EVI5: variants seen among roughly 807,000 people sequenced by gnomAD.
EVI5 encodes the protein ecotropic viral integration site 5 protein homolog.
Under a neutral mutation model 112.0 loss-of-function variants are expected in EVI5, and 73 were observed. The ratio of observed to expected loss-of-function variants is 0.65; its 90% confidence interval spans 0.54 to 0.79. The LOEUF is 0.79. Ranked by LOEUF, EVI5 falls within the 30% of genes least tolerant of loss-of-function variation. EVI5 has a pLI of 0.00. For synonymous variants in EVI5, 305 were observed against 319.9 expected (o/e 0.95, Z 0.50); for missense variants, 900 against 968.8 (o/e 0.93, Z 0.94).
At chr1:92,719,738 G>A (rs1674418444) in intron 2 of EVI5, among the ~76,000 whole-genome samples, 1 of 151,988 alleles carries the variant, frequency 6.6e-6, no homozygotes, top group African/African-American at 2.4e-5. Flanking sequence ...ATTCAATTAG[G>A]AAAAGAGGAA....
chr1:92,674,840 A>G (rs1666459227), intron 10 of EVI5, among the ~76,000 whole-genome samples: 1 of 152,220 alleles, frequency 6.6e-6, no homozygotes, highest in Admixed American at 6.5e-5. Context: ...AAAGAACTAC[A>G]TGGAAACAAT....
At chr1:92,712,499 A>G (rs1672997970) in intron 2 of EVI5, among the ~76,000 whole-genome samples, 1 of 152,218 alleles carries the variant, frequency 6.6e-6, no homozygotes, top group South Asian at 2.1e-4. Flanking sequence ...CTTAATTTCA[A>G]GAGACTATCT....
chr1:92,752,477 C>A (rs1054819009), intron 1 of EVI5, among the ~76,000 whole-genome samples: 1 of 152,110 alleles, frequency 6.6e-6, no homozygotes, highest in African/African-American at 2.4e-5. Context: ...CTGCACCCAG[C>A]CTAATGAAAC....
At chr1:92,589,016 G>C (rs1673256889) in intron 18 of EVI5, among the ~76,000 whole-genome samples, 1 of 152,154 alleles carries the variant, frequency 6.6e-6, no homozygotes, top group African/African-American at 2.4e-5. Flanking sequence ...GTGTGAGATG[G>C]TATAAGAAAG....
chr1:92,589,783 G>A (rs895304170), intron 18 of EVI5, among the ~76,000 whole-genome samples: 10 of 152,168 alleles, frequency 6.6e-5, no homozygotes, highest in East Asian at 1.9e-4. Flanking sequence ...CTCCCAGCAC[G>A]CAGCTTGAGA....
chr1:92,592,947 A>T lies in EVI5; in HGVS notation c.2070+12360T>A, dbSNP rs866821017. 7.0e-4 allele frequency among the ~76,000 whole-genome samples: 107 copies of T among 152,298 alleles called. 1 individual carries two copies. Among genetic ancestry groups the T allele is most frequent in the Admixed American group, 4.5e-3 (69 of 15,296 alleles). On this transcript the variant is annotated intron_variant, in intron 18 of 19. Transcript: ENST00000684568. ...TAATTAATAGCTTACCAACCAAAAA[A>T]AGTCCAGGACCAGATGGATTCACAG...
chr1:92,583,510 C>CAAA (rs71091290), intron 18 of EVI5, among the ~76,000 whole-genome samples: 11 of 55,376 alleles, frequency 2.0e-4, no homozygotes, highest in Non-Finnish European at 2.7e-4. Flanking sequence ...GGCTCTGTCT[C>CAAA]AAAAAAAAAA....
chr1:92,594,942 T>C (rs567635198), intron 18 of EVI5, among the ~76,000 whole-genome samples: 18 of 152,236 alleles, frequency 1.2e-4, no homozygotes, highest in East Asian at 5.8e-4. Context: ...GATGTGGAGA[T>C]AGGAACACTT....
chr1:92,778,592 C>T (rs1201305559), intron 1 of EVI5, among the ~76,000 whole-genome samples: 1 of 152,142 alleles, frequency 6.6e-6, no homozygotes, highest in Non-Finnish European at 1.5e-5. Flanking sequence ...GGAAGATACT[C>T]TCTGGAAAAT....
intron 19 of EVI5, among the ~76,000 whole-genome samples, chr1:92,548,747 T>C (rs574914244): frequency 1.3e-5 from 2 of 152,332 alleles, no homozygotes; most frequent in African/African-American, 4.8e-5. Context: ...CTATTCACTA[T>C]TGCTTCAAAG....
chr1:92,558,344 C>G (rs891078611), intron 19 of EVI5, among the ~76,000 whole-genome samples: 2 of 150,524 alleles, frequency 1.3e-5, no homozygotes, highest in African/African-American at 4.9e-5. Flanking sequence ...GACTCATATC[C>G]ACTGCCTATC....
rs1659070750 is a variant in EVI5 at position 92,509,692 on chromosome 1, G to C, written c.*3964C>G. On this transcript the variant is annotated 3_prime_UTR_variant, in exon 20 of 20. Coordinates refer to ENST00000684568, the MANE Select transcript of EVI5 (RefSeq NM_001350197.2). The stretch of plus-strand genomic sequence containing the variant: ...AAAAAGGCTGTTGAAGTGTTTTCTT[G>C]ATCTAAAAGTGTCTGTTTCATTAAC... The C allele has an allele frequency of 1.3e-5, 2 of 152,018 alleles. No individual in the cohort carries two copies. Among genetic ancestry groups the C allele is most frequent in the African/African-American group, 4.8e-5 (2 of 41,390 alleles). 9.4% of individuals were successfully genotyped at this position (152,018 alleles called of 1,614,324 possible). A position where few individuals can be genotyped will look rare whatever the true frequency, so the allele number is the denominator to read the frequency against.
At position 92,668,169 on chromosome 1, in the gene EVI5, C is replaced by G. The variant is rs1665254421; in HGVS notation, c.1159-2177G>C. The stretch of plus-strand genomic sequence containing the variant: ...AAGTGGATCACAAATTGAAACAAAT[C>G]TTAGAGTTATTACAAAGATACTTGG... On this transcript the variant is annotated intron_variant, in intron 10 of 19. Transcript: ENST00000684568. Among the ~76,000 whole-genome samples, 3 of 152,092 alleles carry G rather than the reference C, an allele frequency of 2.0e-5. No individual in the cohort carries two copies. In the South Asian group the frequency reaches 6.2e-4, roughly 32 times the overall value.
intron 13 of EVI5, among the ~76,000 whole-genome samples, chr1:92,642,972 C>G (rs2101972846): frequency 6.6e-6 from 1 of 152,302 alleles, no homozygotes; most frequent in South Asian, 2.1e-4. Flanking sequence ...ATAATAAAAA[C>G]ACCTGAATGA....
chr1:92,592,334 G>A (rs986761731), intron 18 of EVI5, among the ~76,000 whole-genome samples: 3 of 152,212 alleles, frequency 2.0e-5, no homozygotes, highest in African/African-American at 4.8e-5. Context: ...GGTACATAAT[G>A]AAATGAAGGC....
intron 13 of EVI5, 32 bp from the exon 14 acceptor site, chr1:92,636,368 T>C: frequency 6.3e-7 from 1 of 1,595,254 alleles, no homozygotes; most frequent in Non-Finnish European, 8.6e-7. Flanking sequence ...TGAAATTTCA[T>C]GAAAGTATAA....
intron 18 of EVI5, among the ~76,000 whole-genome samples, chr1:92,571,319 G>A (rs1274535836): frequency 6.6e-6 from 1 of 150,960 alleles, no homozygotes; most frequent in Non-Finnish European, 1.5e-5. Flanking sequence ...CAGCTTATTT[G>A]TCACACATTA....
chr1:92,588,277 G>A (rs564217213), intron 18 of EVI5, among the ~76,000 whole-genome samples: 15 of 152,024 alleles, frequency 9.9e-5, no homozygotes, highest in South Asian at 4.2e-4. Context: ...CATCTGAGTC[G>A]GGAAAGGTCA....
At chr1:92,787,289 C>A (rs762100880), upstream of EVI5, among the ~76,000 whole-genome samples, 9 of 152,156 alleles carry the variant, frequency 5.9e-5, no homozygotes, top group Non-Finnish European at 1.2e-4. Context: ...TATGTTAAAA[C>A]TGATTTTATA....
Sources: allele counts gnomAD v4.1 joint callset (sites outside exome capture counted in the v4.1 genomes callset), GRCh38; gene constraint gnomAD v4.1.1; transcripts MANE v1.5; gene names NCBI Gene and HGNC (gene_info 2026-07-23, HGNC 2026-07-21).